Variants in NOD2 observed in about 807,000 individuals in gnomAD.
NOD2 encodes nucleotide binding oligomerization domain containing 2, also known as nucleotide-binding oligomerization domain-containing protein 2.
NOD2 carries 86 observed loss-of-function variants against 90.9 expected under a neutral mutation model. That is an observed-to-expected ratio of 0.95 (90% CI 0.79 to 1.13). The LOEUF (loss-of-function observed/expected upper bound fraction) is 1.13. Ranked by LOEUF, NOD2 falls within the 50% of genes most tolerant of loss-of-function variation. The pLI, the probability that NOD2 is intolerant of heterozygous loss-of-function variation, is 0.00. For missense variants in NOD2, 1,238 were observed against 1,283.8 expected (o/e 0.96, Z 0.55); for synonymous variants, 581 against 554.6 (o/e 1.05, Z -0.67).
chr16:50,731,774 G>C lies in NOD2; in HGVS notation c.2997G>C (p.Glu999Asp). Residue 999 changes from glutamate to aspartate, a missense_variant, in exon 12 of 12, where the codon GAG (glutamate) becomes GAC (aspartate). By Grantham distance (45) the Glu-to-Asp change is conservative. Coordinates refer to ENST00000647318, the MANE Select transcript of NOD2 (RefSeq NM_001370466.1). ...TCCGAGGGAACACTTTCTCTCTAGA[G>C]GAGGTTGACAAGCTCGGCTGCAGGG... Reference protein sequence around the residue: ...VWLRGNTFSLEEVDKLGCRDT... With the variant: ...VWLRGNTFSLDEVDKLGCRDT... 1 of 1,613,870 alleles carries C rather than the reference G, an allele frequency of 6.2e-7. No homozygotes were observed. The highest frequency in any genetic ancestry group is 1.1e-5 in the South Asian group (1 of 91,078).
intron 10 of NOD2, among the ~76,000 whole-genome samples, chr16:50,729,611 A>G (rs967205568): frequency 1.6e-4 from 24 of 152,228 alleles, no homozygotes; most frequent in African/African-American, 5.5e-4. Context: ...AAACTCATCT[A>G]GTGAATGGAA....
chr16:50,723,162 G>T, intron 8 of NOD2, 139 bp from the exon 9 acceptor site: 26 of 384,964 alleles, frequency 6.8e-5, no homozygotes, highest in Non-Finnish European at 9.5e-5. Context: ...AAAGAAAAAA[G>T]AAAGAGCACC....
chr16:50,694,366 C>T (rs2150771615), intron 1 of NOD2, among the ~76,000 whole-genome samples: 1 of 152,336 alleles, frequency 6.6e-6, no homozygotes, highest in South Asian at 2.1e-4. Flanking sequence ...CCCTGTCACC[C>T]TCCCCTGACC....
At chr16:50,730,903 A>G (rs576798232) in intron 11 of NOD2, among the ~76,000 whole-genome samples, 1 of 152,364 alleles carries the variant, frequency 6.6e-6, no homozygotes, top group South Asian at 2.1e-4. Context: ...TGATGAAGTT[A>G]AAAACAAAAG....
At chr16:50,700,828 T>C (rs906813304) in intron 2 of NOD2, among the ~76,000 whole-genome samples, 1 of 152,218 alleles carries the variant, frequency 6.6e-6, no homozygotes, top group African/African-American at 2.4e-5. Context: ...TAAACTAATA[T>C]AGCTTAAATG....
rs1306211364 is a variant in NOD2, at chr16:50,710,858, G to A, written c.866G>A (p.Trp289Ter). The A allele has an allele frequency of 1.2e-6, 2 of 1,613,928 alleles. No homozygotes were observed. The highest frequency in any genetic ancestry group is 1.7e-6 in the Non-Finnish European group (2 of 1,180,028). The change falls in exon 4 of 12, where the codon TGG becomes TAG. Residue 289 changes from tryptophan (W) to a stop codon, truncating the protein, a stop_gained. Transcript: ENST00000647318. LOFTEE classifies it high-confidence loss of function. ...CTCCTGCAGCGGCTGCACTTGCTGT[G>A]GGCTGCAGGGCAAGACTTCCAGGAA... is the stretch of plus-strand genomic sequence containing the variant. The part of the protein sequence containing the change: ...STLLQRLHLL[W>*]AAGQDFQEFL...
At position 50,711,949 on chromosome 16, in the gene NOD2, G is replaced by A. The variant is rs371339573; in HGVS notation, c.1957G>A (p.Gly653Arg). Residue 653 changes from glycine (G) to arginine (R), a missense_variant, in exon 4 of 12, where the codon GGG becomes AGG. By Grantham distance (125) the Gly-to-Arg change is moderately radical (BLOSUM62 -2). This residue lies in a region of NOD2 where 667 missense variants were observed against 688.7 expected (regional missense o/e 0.97). Transcript: ENST00000647318. ...NLQITAAFLA[G>R]LLSREHWGLL... ...TCAGATCACAGCAGCCTTCCTGGCA[G>A]GGCTGTTGTCCCGGGAGCACTGGGG... The A allele has an allele frequency of 1.7e-5, 27 of 1,612,806 alleles. No homozygotes were observed. Among genetic ancestry groups the A allele is most frequent in the Non-Finnish European group, 2.2e-5 (26 of 1,179,310 alleles).
intron 7 of NOD2, among the ~76,000 whole-genome samples, chr16:50,721,961 A>G (rs1965080502): frequency 1.3e-5 from 2 of 152,254 alleles, no homozygotes; most frequent in Non-Finnish European, 2.9e-5. Flanking sequence ...TACCTAATGA[A>G]TGAAAGTACA....
At chr16:50,725,303 TG>T (rs1965225197) in intron 9 of NOD2, among the ~76,000 whole-genome samples, 185 bp from the exon 10 acceptor site, 1 of 152,214 alleles carries the variant, frequency 6.6e-6, no homozygotes, top group Non-Finnish European at 1.5e-5. Context: ...TGAGAGCCCT[TG>T]GAGTGAATTC....
intron 4 of NOD2, 121 bp from the exon 5 acceptor site, chr16:50,716,466 G>T: frequency 1.0e-6 from 1 of 989,610 alleles, no homozygotes; most frequent in East Asian, 2.6e-5. Context: ...TCTATGCAGG[G>T]TTTCCTGGAA....
At chr16:50,709,644 G>A (rs1367536495) in intron 3 of NOD2, among the ~76,000 whole-genome samples, 2 of 152,104 alleles carry the variant, frequency 1.3e-5, no homozygotes, top group Non-Finnish European at 2.9e-5. Context: ...CGGTGACCCC[G>A]AGGCCTTCCC....
In NOD2 at chr16:50,697,499, G is replaced by T. The variant is rs1362037168; in HGVS notation, c.-8-1989G>T. The T allele has an allele frequency of 4.4e-6, 3 of 682,836 alleles. No homozygotes were observed. The African/African-American group carries it at 5.3e-5, about 12-fold the overall frequency. The allele number at this position is 682,836 out of a possible 1,614,324, so 42.3% of individuals were successfully genotyped here. ...GACCTGGGCAGGGTCAATGGTGGGG[G>T]CCGCTGTCGCATCCTTGGCTGGTGT... On this transcript the variant is annotated intron_variant, in intron 1 of 11. Transcript: ENST00000647318.
In NOD2 at chr16:50,723,320, G is replaced by T; in HGVS notation, c.2737G>T (p.Gly913Cys). The T allele has an allele frequency of 1.2e-6, 2 of 1,613,814 alleles. No homozygotes were observed. Among genetic ancestry groups the T allele is most frequent in the South Asian group, 2.2e-5 (2 of 91,058 alleles). The change falls in exon 9 of 12, where the codon GGC (glycine) becomes TGC (cysteine). Residue 913 changes from glycine (G) to cysteine (C), a missense_variant. By Grantham distance (159) the Gly-to-Cys change is radical (BLOSUM62 -3). This residue lies in a region of NOD2 where 667 missense variants were observed against 688.7 expected (regional missense o/e 0.97). Coordinates refer to ENST00000647318, the MANE Select transcript of NOD2 (RefSeq NM_001370466.1). ...RWLSLVGNNIGSVGAQALALM... is the reference protein window; with the variant it reads ...RWLSLVGNNICSVGAQALALM... Reference sequence around the variant, plus strand: ...CTCCAGCCTGGTGGGGAACAACATTGGCAGTGTGGGTGCCCAAGCCTTGGC... The same window carrying T: ...CTCCAGCCTGGTGGGGAACAACATTTGCAGTGTGGGTGCCCAAGCCTTGGC...
Position 50,726,012 on chromosome 16 carries a change from C to T in NOD2, c.2885+440C>T, listed in dbSNP as rs1965252073. ...TGATTCTCCAGCACTTCCAGCTCACCCTCACCCAGCTGAACATGCTTCTGG... is the reference window on the plus strand; with the variant it reads ...TGATTCTCCAGCACTTCCAGCTCACTCTCACCCAGCTGAACATGCTTCTGG... On this transcript the variant is annotated intron_variant, in intron 10 of 11. Coordinates refer to ENST00000647318, the MANE Select transcript of NOD2 (RefSeq NM_001370466.1). 2.0e-5 allele frequency among the ~76,000 whole-genome samples: 3 copies of T among 152,166 alleles called. No individual in the cohort carries two copies. In the South Asian group the frequency reaches 6.2e-4, roughly 32 times the overall value.
Position 50,710,784 on chromosome 16 carries a change from T to C in NOD2, c.792T>C (p.Asp264=), listed in dbSNP as rs778942858. The part of the protein sequence containing the change: ...LFSTPGHLND[D]ADTVLVVGEA... Reference sequence around the variant, plus strand: ...GCACCCCTGGCCACCTCAATGACGATGCGGACACTGTGCTGGTGGTGGGTG... The same window carrying C: ...GCACCCCTGGCCACCTCAATGACGACGCGGACACTGTGCTGGTGGTGGGTG... Residue 264 remains aspartate, a synonymous_variant, in exon 4 of 12, where the codon GAT becomes GAC. Transcript: ENST00000647318. 1.2e-6 allele frequency: 2 copies of C among 1,614,102 alleles called. No individual in the cohort carries two copies. Among genetic ancestry groups the C allele is most frequent in the South Asian group, 1.1e-5 (1 of 91,084 alleles).
chr16:50,722,482 G>T (rs1020216291), intron 7 of NOD2, 140 bp from the exon 8 acceptor site: 6 of 827,072 alleles, frequency 7.3e-6, no homozygotes, highest in Non-Finnish European at 1.1e-5. Context: ...GGGACCAGGA[G>T]CCCCAGTGAG....
intron 2 of NOD2, among the ~76,000 whole-genome samples, chr16:50,704,015 C>T (rs1358862018): frequency 5.3e-5 from 8 of 152,218 alleles, no homozygotes; most frequent in African/African-American, 1.9e-4. Flanking sequence ...CAAGGCTAAA[C>T]ACTCCTGTGG....
At chr16:50,722,405 G>A (rs1469156865) in intron 7 of NOD2, among the ~76,000 whole-genome samples, 4 of 152,228 alleles carry the variant, frequency 2.6e-5, no homozygotes, top group African/African-American at 4.8e-5. Context: ...GTAATGTAAA[G>A]CCACTGAAAA....
Position 50,716,641 on chromosome 16 carries a change from T to C in NOD2, c.2436T>C (p.Ala812=). ...GCATCTGCAAGCTCATTGAATGTGC[T>C]CTTCACTGCGAGCAATTGCAGAAGT... ...DRGICKLIEC[A]LHCEQLQKLA... is the part of the protein sequence containing the mutation. Residue 812 remains alanine (A), a synonymous_variant, in exon 5 of 12, where the codon GCT becomes GCC. Coordinates refer to ENST00000647318, the MANE Select transcript of NOD2 (RefSeq NM_001370466.1). 1 of 1,614,244 alleles carries C rather than the reference T, an allele frequency of 6.2e-7. No homozygotes were observed. The highest frequency in any genetic ancestry group is 1.6e-4 in the Middle Eastern group (1 of 6,062).
Sources: gnomAD v4.1 joint callset for allele counts (sites outside exome capture counted in the v4.1 genomes callset) on GRCh38, gnomAD v4.1.1 for gene constraint, gnomAD v4.1.1 regional missense constraint, MANE v1.5 for transcripts, NCBI Gene and HGNC (gene_info 2026-07-23, HGNC 2026-07-21) for gene names.